ACSL1: variants seen among roughly 807,000 people sequenced by gnomAD.
The protein encoded by ACSL1 is acyl-CoA synthetase long chain family member 1, also known as long-chain-fatty-acid--CoA ligase 1.
A neutral mutation model predicts 98.4 loss-of-function variants in ACSL1; 41 were observed. The ratio of observed to expected loss-of-function variants is 0.42; its 90% CI spans 0.32 to 0.54. ACSL1 has a LOEUF of 0.54. Among genes scored for constraint, ACSL1 ranks in the 20% least tolerant of loss-of-function variants. ACSL1 has a pLI of 0.13. For missense variants in ACSL1, 734 were observed against 883.1 expected (o/e 0.83, Z 2.14); for synonymous variants, 316 against 322.7 (o/e 0.98, Z 0.22).
Position 184,766,039 on chromosome 4 carries a change from C to G in ACSL1, c.1264-53G>C. ...TGAGGGTTACACACCTGGAAGTCGG[C>G]GGCCTCTCCGCCAAGGGGGCCTGCT... On this transcript the variant is annotated intron_variant, in intron 13 of 20. Transcript: ENST00000281455. The surrounding 1 kb of genome is among the most constrained non-coding windows in gnomAD (Gnocchi z 4.8). The G allele has an allele frequency of 6.3e-7, 1 of 1,576,280 alleles. No homozygotes were observed. The highest frequency in any genetic ancestry group is 8.7e-7 in the Non-Finnish European group (1 of 1,150,976).
intron 1 of ACSL1, chr4:184,815,178 A>G (rs776343561): frequency 2.2e-6 from 1 of 450,638 alleles, no homozygotes; most frequent in Non-Finnish European, 4.5e-6. Flanking sequence ...AGGGCTGTCC[A>G]GAGAGCTGAG....
intron 17 of ACSL1, 139 bp from the exon 18 acceptor site, chr4:184,760,639 TC>T: frequency 1.6e-6 from 2 of 1,287,942 alleles, no homozygotes; most frequent in Non-Finnish European, 1.1e-6. Context: ...TCAGTTATGA[TC>T]CCATTTTACA....
At chr4:184,799,205 G>A (rs1770022226) in intron 2 of ACSL1, among the ~76,000 whole-genome samples, 1 of 144,790 alleles carries the variant, frequency 6.9e-6, no homozygotes, top group South Asian at 2.2e-4. Flanking sequence ...TGCAACCTCC[G>A]CCTCCCAGGT....
chr4:184,804,239 A>C (rs1771025216), intron 1 of ACSL1, among the ~76,000 whole-genome samples: 1 of 152,228 alleles, frequency 6.6e-6, no homozygotes, highest in African/African-American at 2.4e-5. Flanking sequence ...ATATCTAAAG[A>C]GGGAATACAG....
Position 184,788,651 on chromosome 4 carries a change from T to A in ACSL1, c.276A>T (p.Leu92Phe), listed in dbSNP as rs144546201. ...LVYFYDDVTT[L>F]YEGFQRGIQV... ...GTATTCCCCTCTGGAAACCTTCGTA[T>A]AATGTTGTGACATCATCATAGAAAT... is the stretch of plus-strand genomic sequence containing the variant. The change falls in exon 3 of 21, where the codon TTA becomes TTT. Residue 92 changes from leucine (L) to phenylalanine (F), a missense_variant. Leu to Phe is a conservative substitution (Grantham distance 22). Coordinates refer to ENST00000281455, the MANE Select transcript of ACSL1 (RefSeq NM_001995.5). The A allele has an allele frequency of 2.8e-5, 45 of 1,614,064 alleles. 1 individual carries two copies. The South Asian group carries it at 4.8e-4, about 17-fold the overall frequency.
chr4:184,772,986 A>G, intron 10 of ACSL1, 95 bp downstream of exon 10: 1 of 1,180,522 alleles, frequency 8.5e-7, no homozygotes, highest in Non-Finnish European at 1.2e-6. Flanking sequence ...TAAATGCCAC[A>G]TGGACCTAAC....
intron 17 of ACSL1, 78 bp from the exon 18 acceptor site, chr4:184,760,578 A>C: frequency 6.4e-7 from 1 of 1,558,132 alleles, no homozygotes; most frequent in Non-Finnish European, 8.8e-7. Flanking sequence ...TACAACACTG[A>C]AAGGTATTTA....
intron 5 of ACSL1, among the ~76,000 whole-genome samples, chr4:184,779,353 G>C (rs976165403): frequency 2.0e-5 from 3 of 152,150 alleles, no homozygotes; most frequent in Non-Finnish European, 2.9e-5. Context: ...CATGTAAGAA[G>C]TGCCTTTCAC....
At chr4:184,786,135 C>T (rs1046468561) in intron 3 of ACSL1, among the ~76,000 whole-genome samples, 2 of 152,192 alleles carry the variant, frequency 1.3e-5, no homozygotes, top group Non-Finnish European at 1.5e-5. Context: ...CGACCCTTAA[C>T]TGGAATAAAC....
At chr4:184,768,229 G>T (rs1427824456) in intron 12 of ACSL1, 87 bp downstream of exon 12, 3 of 1,406,424 alleles carry the variant, frequency 2.1e-6, no homozygotes, top group Admixed American at 5.0e-5. Flanking sequence ...GGGTCATACA[G>T]ATGGCACATG....
In ACSL1 at chr4:184,803,991, G is replaced by A. The variant is rs956115211; in HGVS notation, c.-32-445C>T. On this transcript the variant is annotated intron_variant, in intron 1 of 20. Transcript: ENST00000281455. The surrounding 1 kb of genome is among the most constrained non-coding windows in gnomAD (Gnocchi z 4.8). The stretch of plus-strand genomic sequence containing the variant: ...GGAAGTACAAGCCCAAACCACCTAA[G>A]GGCCATCAGTTTCTATTTCTTCCAA... Among the ~76,000 whole-genome samples, 2 of 152,124 alleles carry A rather than the reference G, an allele frequency of 1.3e-5. No homozygotes were observed. Among genetic ancestry groups the A allele is most frequent in the African/African-American group, 4.8e-5 (2 of 41,418 alleles).
chr4:184,763,643 G>C (rs1763172552), intron 15 of ACSL1, among the ~76,000 whole-genome samples: 1 of 152,200 alleles, frequency 6.6e-6, no homozygotes, highest in South Asian at 2.1e-4. Context: ...TCTGTAAGAA[G>C]AGAGAACATA....
rs1051772365 is a variant in ACSL1, at chr4:184,803,835, C to T, written c.-32-289G>A. On this transcript the variant is annotated intron_variant, in intron 1 of 20. Transcript: ENST00000281455. The surrounding 1 kb of genome is among the most constrained non-coding windows in gnomAD (Gnocchi z 4.8). ...AGATTTTACTCAAGAAGAATTCTTC[C>T]CATAAAAACTCAAATAAGTAGATTT... Among the ~76,000 whole-genome samples, 1 of 152,182 alleles carries T rather than the reference C, an allele frequency of 6.6e-6. No individual in the cohort carries two copies. Among genetic ancestry groups the T allele is most frequent in the African/African-American group, 2.4e-5 (1 of 41,442 alleles).
chr4:184,761,414 G>A (rs7680011), intron 17 of ACSL1, among the ~76,000 whole-genome samples: 3 of 152,176 alleles, frequency 2.0e-5, no homozygotes, highest in Non-Finnish European at 2.9e-5. Context: ...CCAATACACA[G>A]TAATAAAAAT....
At position 184,762,542 on chromosome 4, in the gene ACSL1, T is replaced by C. The variant is rs1241214631; in HGVS notation, c.1522-19A>G. On this transcript the variant is annotated intron_variant, in intron 16 of 20. Coordinates refer to ENST00000281455, the MANE Select transcript of ACSL1 (RefSeq NM_001995.5). ...CACACACCTAAAGAAAAGAAGATCA[T>C]CAGTGAACAGCATTTACTGGGGTTT... 2 of 1,603,274 alleles carry C rather than the reference T, an allele frequency of 1.2e-6. No individual in the cohort carries two copies. The highest frequency in any genetic ancestry group is 1.1e-5 in the South Asian group (1 of 90,882).
chr4:184,814,561 T>C lies in ACSL1; in HGVS notation c.-32-11015A>G, dbSNP rs568702248. Among the ~76,000 whole-genome samples, 20 of 152,312 alleles carry C rather than the reference T, an allele frequency of 1.3e-4. 1 individual carries two copies. In the South Asian group the frequency reaches 4.1e-3, roughly 32 times the overall value. Reference sequence around the variant, plus strand: ...GTTTTTACTACTATGTTGTTGTTCTTTGTATGTTGCTGTATTTTTCCCAAT... The same window carrying C: ...GTTTTTACTACTATGTTGTTGTTCTCTGTATGTTGCTGTATTTTTCCCAAT... On this transcript the variant is annotated intron_variant, in intron 1 of 20. Coordinates refer to ENST00000281455, the MANE Select transcript of ACSL1 (RefSeq NM_001995.5).
Position 184,773,770 on chromosome 4 carries a change from A to G in ACSL1, c.790-56T>C. The G allele has an allele frequency of 1.9e-6, 3 of 1,610,630 alleles. No homozygotes were observed. In the South Asian group the frequency reaches 3.3e-5, roughly 18 times the overall value. ...AAATCAGAACAGAAAAGAGAACTAT[A>G]AGCCACAAGGTACCAGGCTAGATAT... On this transcript the variant is annotated intron_variant, in intron 8 of 20. Coordinates refer to ENST00000281455, the MANE Select transcript of ACSL1 (RefSeq NM_001995.5). The surrounding 1 kb of genome is among the most constrained non-coding windows in gnomAD (Gnocchi z 4.3).
intron 14 of ACSL1, among the ~76,000 whole-genome samples, chr4:184,765,262 T>A (rs1181091674): frequency 1.3e-5 from 2 of 152,162 alleles, no homozygotes; most frequent in African/African-American, 2.4e-5. Flanking sequence ...CCTTTCTCCC[T>A]TTACTACAGG....
chr4:184,769,071 A>ATATG (rs1491385255), intron 11 of ACSL1, among the ~76,000 whole-genome samples: 1 of 146 alleles, frequency 6.8e-3, no homozygotes, highest in Non-Finnish European at 0.028. Flanking sequence ...TCTGTCTCAA[A>ATATG]TATATATATA....
Sources: allele counts gnomAD v4.1 joint callset (sites outside exome capture counted in the v4.1 genomes callset), GRCh38; gene constraint gnomAD v4.1.1; non-coding constraint Gnocchi (gnomAD v3.1); transcripts MANE v1.5; gene names NCBI Gene and HGNC (gene_info 2026-07-23, HGNC 2026-07-21).